Variants in DLGAP2 observed in about 807,000 individuals in gnomAD.
DLGAP2 encodes disks large-associated protein 2.
DLGAP2 carries 26 observed loss-of-function variants against 100.3 expected under a neutral mutation model. The ratio of observed to expected loss-of-function variants is 0.26; its 90% confidence interval spans 0.19 to 0.36. DLGAP2 has a LOEUF of 0.36. DLGAP2 is among the 10% of genes least tolerant of loss of function. The pLI is 1.00. For synonymous variants in DLGAP2, 886 were observed against 630.1 expected, an observed-to-expected ratio of 1.41 and a Z score of -6.08; for missense variants, 1,858 against 1,453.2, an observed-to-expected ratio of 1.28 and a Z score of -4.53.
intron 2 of DLGAP2, among the ~76,000 whole-genome samples, chr8:1,211,344 C>G (rs1333255221): frequency 1.3e-5 from 2 of 152,208 alleles, no homozygotes; most frequent in Non-Finnish European, 2.9e-5. Flanking sequence ...TAATGAACAC[C>G]ACCAGCCAAC....
chr8:1,318,304 C>T (rs1800813425), intron 3 of DLGAP2, among the ~76,000 whole-genome samples: 1 of 152,154 alleles, frequency 6.6e-6, no homozygotes, highest in South Asian at 2.1e-4. Context: ...TTTAGGTTGT[C>T]AAAGAATGTA....
At chr8:1,683,224 A>G (rs1381315002) in intron 12 of DLGAP2, among the ~76,000 whole-genome samples, 2 of 151,628 alleles carry the variant, frequency 1.3e-5, no homozygotes, top group Non-Finnish European at 3.0e-5. Context: ...GATTCTCAGA[A>G]GGCTTCCTGG....
At chr8:765,269 A>G (rs554880495) in intron 1 of DLGAP2, among the ~76,000 whole-genome samples, 61 of 152,348 alleles carry the variant, frequency 4.0e-4, no homozygotes, top group African/African-American at 1.4e-3. Flanking sequence ...GGGCTGTTCT[A>G]GGGGTAAAAT....
At chr8:882,431 G>T (rs1377569326) in intron 1 of DLGAP2, among the ~76,000 whole-genome samples, 5 of 138,020 alleles carry the variant, frequency 3.6e-5, no homozygotes, top group Non-Finnish European at 6.3e-5. Flanking sequence ...ACCCTCGCCT[G>T]ATCCAGCGGT....
At chr8:874,960 G>C (rs2128992274) in intron 1 of DLGAP2, among the ~76,000 whole-genome samples, 1 of 152,202 alleles carries the variant, frequency 6.6e-6, no homozygotes, top group African/African-American at 2.4e-5. Flanking sequence ...ATTTATAATT[G>C]TTATTGCTCC....
chr8:849,571 T>G (rs1283636139), intron 1 of DLGAP2, among the ~76,000 whole-genome samples: 1 of 152,194 alleles, frequency 6.6e-6, no homozygotes, highest in Non-Finnish European at 1.5e-5. Context: ...TCTACCAGCC[T>G]TGCCCGAAGG....
At chr8:1,456,765 T>C (rs1798324968) in intron 3 of DLGAP2, among the ~76,000 whole-genome samples, 1 of 152,402 alleles carries the variant, frequency 6.6e-6, no homozygotes, top group African/African-American at 2.4e-5. Context: ...TGCCAGGCTG[T>C]GCACTGGTGA....
intron 1 of DLGAP2, among the ~76,000 whole-genome samples, chr8:898,535 T>C (rs1798190685): frequency 6.6e-6 from 1 of 152,082 alleles, no homozygotes; most frequent in Non-Finnish European, 1.5e-5. Flanking sequence ...GAGACATGAT[T>C]GGGGGTGCTG....
At chr8:1,287,762 CGT>C (rs1333923540) in intron 3 of DLGAP2, among the ~76,000 whole-genome samples, 11 of 30,264 alleles carry the variant, frequency 3.6e-4, no homozygotes, top group Admixed American at 1.0e-3. Flanking sequence ...TTTGGTTCAG[CGT>C]GTGTGTGTGT....
At chr8:1,249,546 A>T (rs1247175302) in intron 2 of DLGAP2, among the ~76,000 whole-genome samples, 7 of 152,218 alleles carry the variant, frequency 4.6e-5, no homozygotes, top group Admixed American at 2.6e-4. Context: ...GTTAAAAACG[A>T]AACTAGAATA....
At chr8:1,253,926 C>G (rs974027922) in intron 2 of DLGAP2, among the ~76,000 whole-genome samples, 1 of 152,178 alleles carries the variant, frequency 6.6e-6, no homozygotes, top group South Asian at 2.1e-4. Context: ...CATATGTAAC[C>G]TGTGATGAAG....
chr8:1,115,367 C>G (rs1230380627), intron 2 of DLGAP2, among the ~76,000 whole-genome samples: 1 of 152,170 alleles, frequency 6.6e-6, no homozygotes. Flanking sequence ...AATCTGGGTG[C>G]TCCTGTGTTG....
At chr8:909,215 CT>C (rs1268128843) in intron 2 of DLGAP2, among the ~76,000 whole-genome samples, 6 of 152,102 alleles carry the variant, frequency 3.9e-5, no homozygotes, top group African/African-American at 1.4e-4. Context: ...TTTTGGGCCT[CT>C]TTTTATTTTC....
intron 6 of DLGAP2, among the ~76,000 whole-genome samples, chr8:1,617,969 CT>C (rs1228180659): frequency 6.6e-6 from 1 of 152,180 alleles, no homozygotes; most frequent in African/African-American, 2.4e-5. Context: ...AAGTAAAAGG[CT>C]ACAGTTCTAA....
At chr8:1,175,537 G>A (rs1797234240) in intron 2 of DLGAP2, among the ~76,000 whole-genome samples, 1 of 152,174 alleles carries the variant, frequency 6.6e-6, no homozygotes, top group African/African-American at 2.4e-5. Flanking sequence ...GTCAGTGGAA[G>A]GGAGAACATT....
intron 2 of DLGAP2, among the ~76,000 whole-genome samples, chr8:911,768 G>A (rs1311113955): frequency 6.6e-6 from 1 of 152,038 alleles, no homozygotes; most frequent in Non-Finnish European, 1.5e-5. Flanking sequence ...AAGGATGCTG[G>A]AGAATGTTGG....
chr8:1,391,152 C>T (rs1228819614), intron 3 of DLGAP2, among the ~76,000 whole-genome samples: 1 of 152,142 alleles, frequency 6.6e-6, no homozygotes. Flanking sequence ...ATAATGAGAC[C>T]CCGGTTGGCT....
chr8:1,524,014 G>C (rs1800706447), intron 4 of DLGAP2, among the ~76,000 whole-genome samples: 1 of 152,216 alleles, frequency 6.6e-6, no homozygotes, highest in African/African-American at 2.4e-5. Context: ...CATCAGATCA[G>C]CTGTGCTGTG....
intron 2 of DLGAP2, among the ~76,000 whole-genome samples, chr8:1,082,046 A>G (rs1440265541): frequency 6.6e-6 from 1 of 152,188 alleles, no homozygotes; most frequent in Non-Finnish European, 1.5e-5. Flanking sequence ...CCCTCTGTGC[A>G]GGAAGAAATG....
Sources: gnomAD v4.1 joint callset for allele counts (sites outside exome capture counted in the v4.1 genomes callset) on GRCh38, gnomAD v4.1.1 for gene constraint, MANE v1.5 for transcripts, NCBI Gene and HGNC (gene_info 2026-07-23, HGNC 2026-07-21) for gene names.